KSR2: variants seen among roughly 807,000 people sequenced by gnomAD.
KSR2 encodes kinase suppressor of ras 2.
KSR2 carries 25 observed loss-of-function variants against 107.8 expected under a neutral mutation model. The observed-to-expected ratio is 0.23, with a 90% CI of 0.17 to 0.32. The LOEUF (loss-of-function observed/expected upper bound fraction) is 0.32, where lower values mean the gene tolerates loss of function less well. Ranked by LOEUF, KSR2 falls within the 10% of genes least tolerant of loss-of-function variation. The pLI is 1.00. For synonymous variants in KSR2, 480 were observed against 507.0 expected, an observed-to-expected ratio of 0.95 and a Z score of 0.71; for missense variants, 887 against 1,268.9, an observed-to-expected ratio of 0.70 and a Z score of 4.57.
chr12:117,759,690 A>G (rs1419457418), intron 4 of KSR2, among the ~76,000 whole-genome samples: 3 of 152,154 alleles, frequency 2.0e-5, no homozygotes, highest in Non-Finnish European at 4.4e-5. Context: ...TTCTGCCTCT[A>G]TAAATTGTCT....
intron 5 of KSR2, among the ~76,000 whole-genome samples, chr12:117,621,891 T>C (rs1882218702): frequency 2.6e-5 from 4 of 152,154 alleles, no homozygotes. Context: ...CACTGTCTCC[T>C]ACAGCTCCAT....
intron 5 of KSR2, among the ~76,000 whole-genome samples, chr12:117,664,534 C>A (rs773022294): frequency 6.6e-6 from 1 of 152,086 alleles, no homozygotes; most frequent in Non-Finnish European, 1.5e-5. Context: ...AAGGAGGAGT[C>A]GGCACCTGGT....
intron 1 of KSR2, among the ~76,000 whole-genome samples, chr12:117,861,457 C>T (rs1245235381): frequency 1.5e-5 from 2 of 132,392 alleles, no homozygotes; most frequent in Non-Finnish European, 3.1e-5. Context: ...GGCGTGATCT[C>T]GGCTCACTGC....
chr12:117,513,686 G>A (rs1291653556), intron 14 of KSR2, among the ~76,000 whole-genome samples: 1 of 152,208 alleles, frequency 6.6e-6, no homozygotes, highest in South Asian at 2.1e-4. Flanking sequence ...TAAGGTGTCC[G>A]TGGGACATAA....
At chr12:117,494,642 C>G (rs189802433) in intron 14 of KSR2, among the ~76,000 whole-genome samples, 2 of 152,248 alleles carry the variant, frequency 1.3e-5, no homozygotes, top group Admixed American at 1.3e-4. Flanking sequence ...CACGACAGAC[C>G]TAGTCCTTAA....
intron 4 of KSR2, among the ~76,000 whole-genome samples, chr12:117,700,236 C>T (rs942892756): frequency 1.3e-5 from 2 of 152,084 alleles, no homozygotes; most frequent in African/African-American, 2.4e-5. Flanking sequence ...TATTGTTATC[C>T]TCATTTTACA....
At chr12:117,588,543 A>C (rs1880139294) in intron 5 of KSR2, among the ~76,000 whole-genome samples, 1 of 152,224 alleles carries the variant, frequency 6.6e-6, no homozygotes, top group South Asian at 2.1e-4. Flanking sequence ...AAATGAATGA[A>C]TGAACAAATG....
At chr12:117,911,522 G>A (rs1382343350) in intron 1 of KSR2, among the ~76,000 whole-genome samples, 2 of 152,074 alleles carry the variant, frequency 1.3e-5, no homozygotes, top group Admixed American at 6.5e-5. Context: ...CTGAAGTTGG[G>A]GATTATTTGT....
chr12:117,672,076 G>A (rs1245144678), intron 4 of KSR2, among the ~76,000 whole-genome samples: 5 of 152,154 alleles, frequency 3.3e-5, no homozygotes, highest in African/African-American at 1.2e-4. Context: ...GACCAGCAAG[G>A]AGCCTCCAGT....
intron 5 of KSR2, among the ~76,000 whole-genome samples, chr12:117,665,862 C>T (rs1036170053): frequency 6.6e-6 from 1 of 152,174 alleles, no homozygotes. Flanking sequence ...GGTTCAAACC[C>T]AGGCATCTGC....
intron 14 of KSR2, chr12:117,517,924 A>C: frequency 2.2e-6 from 1 of 453,398 alleles, no homozygotes; most frequent in Non-Finnish European, 4.4e-6. Context: ...TGGAGTTACC[A>C]CCTTAACAGA....
At chr12:117,864,992 C>T (rs1593318468) in intron 1 of KSR2, among the ~76,000 whole-genome samples, 1 of 152,182 alleles carries the variant, frequency 6.6e-6, no homozygotes, top group African/African-American at 2.4e-5. Flanking sequence ...CCCCGTCTGA[C>T]CATCTGTCTG....
intron 16 of KSR2, among the ~76,000 whole-genome samples, chr12:117,480,241 C>A (rs978249544): frequency 6.6e-6 from 1 of 152,152 alleles, no homozygotes; most frequent in South Asian, 2.1e-4. Context: ...TTTGCAAACA[C>A]CCCTGCCACC....
chr12:117,697,512 G>A (rs1886118731), intron 4 of KSR2, among the ~76,000 whole-genome samples: 1 of 152,188 alleles, frequency 6.6e-6, no homozygotes, highest in Non-Finnish European at 1.5e-5. Flanking sequence ...GGAGGCCAAG[G>A]CGGGCAGATC....
intron 13 of KSR2, among the ~76,000 whole-genome samples, chr12:117,526,586 T>C (rs1234727332): frequency 6.6e-6 from 1 of 152,214 alleles, no homozygotes; most frequent in Non-Finnish European, 1.5e-5. Flanking sequence ...TTCCTTTCAG[T>C]ATGAGACCCA....
intron 4 of KSR2, among the ~76,000 whole-genome samples, chr12:117,746,821 TAA>T (rs58362614): frequency 1.2e-4 from 18 of 149,346 alleles, no homozygotes; most frequent in East Asian, 2.0e-4. Flanking sequence ...AAAAAACATA[TAA>T]AAAAAAAAAG....
At chr12:117,698,296 T>C (rs1184020339) in intron 4 of KSR2, among the ~76,000 whole-genome samples, 1 of 152,010 alleles carries the variant, frequency 6.6e-6, no homozygotes, top group Non-Finnish European at 1.5e-5. Context: ...GACGTCCCAC[T>C]GTTAATGGCT....
At chr12:117,501,455 G>A (rs562062365) in intron 14 of KSR2, among the ~76,000 whole-genome samples, 3 of 152,314 alleles carry the variant, frequency 2.0e-5, no homozygotes, top group Non-Finnish European at 2.9e-5. Flanking sequence ...TTAAGGTCAC[G>A]TGGATTTTCC....
chr12:117,638,761 A>G (rs542899911), intron 5 of KSR2, among the ~76,000 whole-genome samples: 1 of 152,172 alleles, frequency 6.6e-6, no homozygotes, highest in Non-Finnish European at 1.5e-5. Flanking sequence ...TCAAGTTCAA[A>G]TTCAGGACTG....
Sources: allele counts gnomAD v4.1 joint callset (sites outside exome capture counted in the v4.1 genomes callset), GRCh38; gene constraint gnomAD v4.1.1; transcripts MANE v1.5; gene names NCBI Gene and HGNC (gene_info 2026-07-23, HGNC 2026-07-21).